The following TRAPPC9 variants were observed in gnomAD, a reference collection of about 807,000 sequenced individuals.
TRAPPC9 encodes the protein trafficking protein particle complex subunit 9, also known as IKK2 binding protein.
Under a neutral mutation model 124.0 loss-of-function variants are expected in TRAPPC9, and 83 were observed. That is an observed-to-expected ratio of 0.67 (90% CI 0.56 to 0.80). TRAPPC9 has a LOEUF of 0.80. Among genes scored for constraint, TRAPPC9 ranks in the 30% least tolerant of loss-of-function variants. TRAPPC9 has a pLI of 0.00. For synonymous variants in TRAPPC9, 638 were observed against 617.5 expected (o/e 1.03, Z -0.49); for missense variants, 1,302 against 1,508.3 (o/e 0.86, Z 2.27).
At chr8:140,131,983 C>T (rs943098688) in intron 17 of TRAPPC9, among the ~76,000 whole-genome samples, 1 of 152,188 alleles carries the variant, frequency 6.6e-6, no homozygotes, top group African/African-American at 2.4e-5. Context: ...AGTCGGCCCC[C>T]CAATGAGGAC....
At chr8:140,034,902 GT>G (rs912902812) in intron 17 of TRAPPC9, among the ~76,000 whole-genome samples, 2 of 152,244 alleles carry the variant, frequency 1.3e-5, no homozygotes, top group African/African-American at 4.8e-5. Flanking sequence ...GAAGGAGACT[GT>G]GAGCAGAAAG....
chr8:140,059,677 T>C (rs959543912), intron 17 of TRAPPC9, among the ~76,000 whole-genome samples: 6 of 152,234 alleles, frequency 3.9e-5, no homozygotes, highest in African/African-American at 1.2e-4. Context: ...ATCTGTGACA[T>C]TGAGCATCTT....
chr8:140,403,592 G>A (rs1409409581), intron 6 of TRAPPC9, among the ~76,000 whole-genome samples: 3 of 152,130 alleles, frequency 2.0e-5, no homozygotes, highest in Admixed American at 2.0e-4. Flanking sequence ...TTTGTTTATG[G>A]AGGAGTAAAT....
At chr8:140,016,902 C>A (rs993848973) in intron 18 of TRAPPC9, among the ~76,000 whole-genome samples, 1 of 152,152 alleles carries the variant, frequency 6.6e-6, no homozygotes, top group African/African-American at 2.4e-5. Context: ...AGTTTATACT[C>A]CCAGAAGCAG....
chr8:139,968,418 G>T (rs1315021311), intron 19 of TRAPPC9, among the ~76,000 whole-genome samples: 1 of 152,174 alleles, frequency 6.6e-6, no homozygotes, highest in Non-Finnish European at 1.5e-5. Flanking sequence ...ATCTCAGAGA[G>T]CTCCAAGACG....
intron 17 of TRAPPC9, among the ~76,000 whole-genome samples, chr8:140,179,426 G>A (rs1357158049): frequency 6.6e-6 from 1 of 151,826 alleles, no homozygotes; most frequent in Non-Finnish European, 1.5e-5. Flanking sequence ...ATTCTGTTGT[G>A]GTCACATAGT....
intron 21 of TRAPPC9, among the ~76,000 whole-genome samples, chr8:139,780,140 C>T (rs141393186): frequency 3.5e-3 from 539 of 152,178 alleles, no homozygotes; most frequent in Admixed American, 0.01. Context: ...ATAATCCAAC[C>T]GTGGACATTG....
intron 19 of TRAPPC9, among the ~76,000 whole-genome samples, chr8:139,918,798 C>A (rs1333678349): frequency 6.6e-6 from 1 of 152,260 alleles, no homozygotes; most frequent in Non-Finnish European, 1.5e-5. Flanking sequence ...CCTAATGCCA[C>A]TGGCTGCCAG....
chr8:140,357,260 C>G (rs988060303), intron 9 of TRAPPC9, among the ~76,000 whole-genome samples: 1 of 152,012 alleles, frequency 6.6e-6, no homozygotes, highest in African/African-American at 2.4e-5. Context: ...GGTGTGGGGA[C>G]AGGGGAGGTG....
At chr8:139,826,847 G>T (rs923015617) in intron 21 of TRAPPC9, among the ~76,000 whole-genome samples, 1 of 152,220 alleles carries the variant, frequency 6.6e-6, no homozygotes, top group Admixed American at 6.5e-5. Flanking sequence ...ACAGGTCCCT[G>T]TGGGAGCCAT....
At chr8:140,105,766 T>A (rs1271043951) in intron 17 of TRAPPC9, among the ~76,000 whole-genome samples, 2 of 152,106 alleles carry the variant, frequency 1.3e-5, no homozygotes, top group Admixed American at 6.5e-5. Flanking sequence ...CTTCATTACC[T>A]AACTCACCCT....
chr8:140,091,952 G>T (rs73359181), intron 17 of TRAPPC9, among the ~76,000 whole-genome samples: 16,102 of 151,370 alleles, frequency 0.11, 1,035 homozygotes, highest in African/African-American at 0.16. Context: ...CGGCCCCACA[G>T]CGACCCTTCG....
intron 19 of TRAPPC9, among the ~76,000 whole-genome samples, chr8:139,982,883 C>G (rs1484159474): frequency 6.6e-6 from 1 of 152,202 alleles, no homozygotes; most frequent in Non-Finnish European, 1.5e-5. Context: ...TACCACCCCA[C>G]CACACTCCCC....
intron 19 of TRAPPC9, among the ~76,000 whole-genome samples, chr8:139,955,895 G>GCTGC (rs1347805829): frequency 6.6e-6 from 1 of 152,208 alleles, no homozygotes; most frequent in Non-Finnish European, 1.5e-5. Flanking sequence ...GGTCTGCCTT[G>GCTGC]CTGCCATCCA....
chr8:140,002,533 G>T (rs1838470388), intron 18 of TRAPPC9, among the ~76,000 whole-genome samples: 1 of 151,858 alleles, frequency 6.6e-6, no homozygotes, highest in South Asian at 2.1e-4. Flanking sequence ...AAACTCTGAG[G>T]ACTCAGAGTT....
At chr8:140,055,743 A>T (rs1842254235) in intron 17 of TRAPPC9, among the ~76,000 whole-genome samples, 1 of 152,240 alleles carries the variant, frequency 6.6e-6, no homozygotes, top group African/African-American at 2.4e-5. Context: ...AAGGAAACAA[A>T]TTCACTTATA....
At position 140,241,861 on chromosome 8, in the gene TRAPPC9, T is replaced by C. The variant is rs577151089; in HGVS notation, c.2431+10916A>G. ...TTCCGTCCCTCACTTGCTTAACGTA[T>C]GCCAAGAAGCTGCTCTGACCAGGCC... On this transcript the variant is annotated intron_variant, in intron 16 of 22. Coordinates refer to ENST00000438773, the MANE Select transcript of TRAPPC9 (RefSeq NM_001160372.4). The surrounding 1 kb of genome is among the most constrained non-coding windows in gnomAD (Gnocchi z 5.0). Among the ~76,000 whole-genome samples, 3 of 152,200 alleles carry C rather than the reference T, an allele frequency of 2.0e-5. No homozygotes were observed. Among genetic ancestry groups the C allele is most frequent in the African/African-American group, 7.2e-5 (3 of 41,526 alleles).
At chr8:140,333,136 A>G (rs1192087184) in intron 9 of TRAPPC9, among the ~76,000 whole-genome samples, 2 of 151,804 alleles carry the variant, frequency 1.3e-5, no homozygotes, top group East Asian at 1.9e-4. Context: ...AAAAAAAAAA[A>G]AGAGAAAAAG....
At chr8:139,968,360 T>C (rs776815293) in intron 19 of TRAPPC9, among the ~76,000 whole-genome samples, 3 of 152,160 alleles carry the variant, frequency 2.0e-5, no homozygotes, top group Non-Finnish European at 2.9e-5. Context: ...AAAAGTCTTA[T>C]GTTCTTTCCC....
Sources: allele counts gnomAD v4.1 joint callset (sites outside exome capture counted in the v4.1 genomes callset), GRCh38; gene constraint gnomAD v4.1.1; non-coding constraint Gnocchi (gnomAD v3.1); transcripts MANE v1.5; gene names NCBI Gene and HGNC (gene_info 2026-07-23, HGNC 2026-07-21).